Variants in FLT1 observed in about 807,000 individuals in gnomAD.
The protein encoded by FLT1 is vascular endothelial growth factor receptor 1.
In FLT1, 49 loss-of-function variants were observed where a neutral mutation model predicts 156.3. The ratio of observed to expected loss-of-function variants is 0.31; its 90% confidence interval spans 0.25 to 0.40. The LOEUF is 0.40. FLT1 is among the 10% of genes least tolerant of loss of function. The pLI is 1.00. For missense variants in FLT1, 1,322 were observed against 1,637.2 expected, an observed-to-expected ratio of 0.81 and a Z score of 3.32; for synonymous variants, 594 against 583.8, an observed-to-expected ratio of 1.02 and a Z score of -0.25.
chr13:28,414,841 G>T (rs1300108216), intron 10 of FLT1, among the ~76,000 whole-genome samples: 2 of 152,110 alleles, frequency 1.3e-5, no homozygotes, highest in African/African-American at 2.4e-5. Context: ...TGTCAACCCT[G>T]CCATCTACAC....
chr13:28,301,621 C>T lies in FLT1; in HGVS notation c.*1546G>A, dbSNP rs1273642132. The T allele has an allele frequency of 4.3e-6, 1 of 233,280 alleles. No individual in the cohort carries two copies. The highest frequency in any genetic ancestry group is 8.5e-6 in the Non-Finnish European group (1 of 117,870). 14.5% of individuals were successfully genotyped at this position (233,280 alleles called of 1,614,324 possible). On this transcript the variant is annotated 3_prime_UTR_variant, in exon 30 of 30. Transcript: ENST00000282397. ...CAGCAATCCACTGTTGCCTCTCCAG[C>T]TTCTGACTGGCTGCAGAAGGTGCAG...
intron 1 of FLT1, among the ~76,000 whole-genome samples, chr13:28,471,611 C>T (rs111983846): frequency 0.024 from 3,721 of 152,222 alleles, 143 homozygotes; most frequent in African/African-American, 0.085. Context: ...TCAGCTTGAT[C>T]GTCTCAGTAG....
At chr13:28,311,807 TTGAC>T in intron 26 of FLT1, 75 bp from the exon 27 acceptor site, 2 of 1,503,898 alleles carry the variant, frequency 1.3e-6, no homozygotes, top group South Asian at 2.3e-5. Flanking sequence ...TATGTCAACT[TTGAC>T]TATGTCATTT....
chr13:28,357,889 T>TTC (rs1491354372), intron 14 of FLT1, among the ~76,000 whole-genome samples: 47 of 145,262 alleles, frequency 3.2e-4, no homozygotes, highest in Middle Eastern at 7.2e-3. Flanking sequence ...TTTTTTTTTT[T>TTC]CTGCAGGCTT....
intron 10 of FLT1, among the ~76,000 whole-genome samples, chr13:28,407,735 A>G (rs1875897523): frequency 6.6e-6 from 1 of 152,242 alleles, no homozygotes; most frequent in South Asian, 2.1e-4. Flanking sequence ...GTATAACCTT[A>G]TAATAATCAT....
rs1397348499 is a variant in FLT1, at chr13:28,389,869, G to C, written c.1896C>G (p.Gly632=). ...TIMNVSLQDS[G]TYACRARNVY... ...CATTCCTGGCTCTGCAGGCATAGGT[G>C]CCTGAATCTTGCAGGGAAACATTCA... The change falls in exon 13 of 30, where the codon GGC becomes GGG. Residue 632 remains glycine (G), a synonymous_variant. Transcript: ENST00000282397. 6.2e-7 allele frequency: 1 copy of C among 1,613,962 alleles called. No homozygotes were observed. The highest frequency in any genetic ancestry group is 8.5e-7 in the Non-Finnish European group (1 of 1,179,966).
intron 1 of FLT1, among the ~76,000 whole-genome samples, chr13:28,484,324 C>A (rs1283198938): frequency 6.6e-6 from 1 of 152,218 alleles, no homozygotes; most frequent in Admixed American, 6.5e-5. Context: ...TGTGAGAGGG[C>A]AGTCCCAGCT....
chr13:28,368,547 A>G (rs908899736), intron 14 of FLT1: 14 of 1,532,768 alleles, frequency 9.1e-6, no homozygotes, highest in Non-Finnish European at 1.1e-5. Flanking sequence ...AGCTATGATG[A>G]TGATGATGAT....
chr13:28,385,684 A>T, intron 13 of FLT1: 2 of 980,966 alleles, frequency 2.0e-6, no homozygotes, highest in Non-Finnish European at 2.5e-6. Context: ...CAAATATTGT[A>T]TTTTATATTA....
chr13:28,358,904 C>T (rs1272223594), intron 14 of FLT1, among the ~76,000 whole-genome samples: 2 of 151,918 alleles, frequency 1.3e-5, no homozygotes, highest in East Asian at 1.9e-4. Context: ...AGGTGGGCCT[C>T]GAGTTGAGGT....
intron 13 of FLT1, chr13:28,386,057 C>T: frequency 9.5e-7 from 1 of 1,054,222 alleles, no homozygotes; most frequent in African/African-American, 1.7e-5. Context: ...GCATAACTGA[C>T]ACGTTCTCTG....
At chr13:28,344,828 CAG>C (rs1368973609) in intron 16 of FLT1, among the ~76,000 whole-genome samples, 1 of 92,112 alleles carries the variant, frequency 1.1e-5, no homozygotes, top group African/African-American at 4.4e-5. Flanking sequence ...TTTTTTGAGA[CAG>C]GGTCTCACTC....
intron 14 of FLT1, among the ~76,000 whole-genome samples, chr13:28,363,955 G>C (rs1287813657): frequency 6.6e-6 from 1 of 152,098 alleles, no homozygotes; most frequent in Non-Finnish European, 1.5e-5. Flanking sequence ...ATGGTATCTT[G>C]CTGTGGTTTT....
chr13:28,368,264 T>C (rs1341727512), intron 14 of FLT1: 1 of 344,184 alleles, frequency 2.9e-6, no homozygotes, highest in Admixed American at 4.6e-5. Flanking sequence ...GTGATTCTCC[T>C]GTCTCAGCCT....
At chr13:28,422,148 G>A (rs1877044046) in intron 10 of FLT1, among the ~76,000 whole-genome samples, 1 of 152,228 alleles carries the variant, frequency 6.6e-6, no homozygotes, top group Non-Finnish European at 1.5e-5. Flanking sequence ...ATGGTTGACA[G>A]TATATTTAGA....
Position 28,399,266 on chromosome 13 carries a change from G to GC in FLT1, c.1552-2199_1552-2198insG, listed in dbSNP as rs919028362. 389 of 503,932 alleles carry GC rather than the reference G, an allele frequency of 7.7e-4. 2 individuals carry two copies. The highest frequency in any genetic ancestry group is 5.4e-4 in the Admixed American group (15 of 27,980). 31.2% of individuals were successfully genotyped at this position (503,932 alleles called of 1,614,324 possible). ...AAGCTGGGGTGTCAGCTCCAGCACT[G>GC]TTTTTTTTATGAAGTTAGTTCTCAA... On this transcript the variant is annotated intron_variant, in intron 11 of 29. Coordinates refer to ENST00000282397, the MANE Select transcript of FLT1 (RefSeq NM_002019.4).
chr13:28,403,349 C>T (rs1875579210), intron 11 of FLT1, among the ~76,000 whole-genome samples: 1 of 152,108 alleles, frequency 6.6e-6, no homozygotes, highest in South Asian at 2.1e-4. Flanking sequence ...TGTTTTAAAC[C>T]TTCATGGAGA....
intron 28 of FLT1, among the ~76,000 whole-genome samples, chr13:28,307,933 A>G (rs951314111): frequency 6.6e-6 from 1 of 152,140 alleles, no homozygotes. Context: ...CACCACGCCC[A>G]GCTAATTTTT....
intron 11 of FLT1, among the ~76,000 whole-genome samples, chr13:28,401,777 T>C (rs1875453362): frequency 6.6e-6 from 1 of 152,208 alleles, no homozygotes; most frequent in Admixed American, 6.5e-5. Context: ...CAAGCTGTAA[T>C]TCTGTGGTTA....
Sources: allele counts gnomAD v4.1 joint callset (sites outside exome capture counted in the v4.1 genomes callset), GRCh38; gene constraint gnomAD v4.1.1; transcripts MANE v1.5; gene names NCBI Gene and HGNC (gene_info 2026-07-23, HGNC 2026-07-21).